The following CYFIP2 variants were observed in gnomAD, a reference collection of about 807,000 sequenced individuals.
CYFIP2 encodes the protein cytoplasmic FMR1 interacting protein 2.
CYFIP2 carries 29 observed loss-of-function variants against 158.7 expected under a neutral mutation model. The ratio of observed to expected loss-of-function variants is 0.18; its 90% CI spans 0.14 to 0.25. The LOEUF (loss-of-function observed/expected upper bound fraction) is 0.25, where lower values mean the gene tolerates loss of function less well. Ranked by LOEUF, CYFIP2 falls within the 10% of genes least tolerant of loss-of-function variation. CYFIP2 has a pLI of 1.00. For synonymous variants in CYFIP2, 585 were observed against 617.6 expected (o/e 0.95, Z 0.78); for missense variants, 852 against 1,639.5 (o/e 0.52, Z 8.29).
chr5:157,284,015 G>A (rs914371499), intron 1 of CYFIP2, among the ~76,000 whole-genome samples: 1 of 152,080 alleles, frequency 6.6e-6, no homozygotes, highest in African/African-American at 2.4e-5. Context: ...TTCTCTTTGT[G>A]TCCCTCTTAA....
intron 23 of CYFIP2, chr5:157,342,170 G>A (rs1348930641): frequency 6.6e-6 from 1 of 152,606 alleles, no homozygotes; most frequent in Non-Finnish European, 1.5e-5. Flanking sequence ...TTGTTTTCAT[G>A]ATGTTTATTC....
At chr5:157,275,374 TG>T (rs1328508399) in intron 1 of CYFIP2, among the ~76,000 whole-genome samples, 1 of 152,224 alleles carries the variant, frequency 6.6e-6, no homozygotes, top group East Asian at 1.9e-4. Context: ...ATTTTGCATG[TG>T]GGTATCCAGT....
At chr5:157,391,364 G>A (rs940954183) in intron 30 of CYFIP2, among the ~76,000 whole-genome samples, 1 of 152,182 alleles carries the variant, frequency 6.6e-6, no homozygotes, top group African/African-American at 2.4e-5. Context: ...AAGTACACAA[G>A]TATTGTACAA....
intron 26 of CYFIP2, among the ~76,000 whole-genome samples, chr5:157,372,770 A>G (rs937529025): frequency 3.9e-5 from 6 of 152,226 alleles, no homozygotes; most frequent in Non-Finnish European, 8.8e-5. Context: ...AAATGAAGCC[A>G]GGGAAGCTGG....
intron 26 of CYFIP2, among the ~76,000 whole-genome samples, chr5:157,378,578 G>A (rs1361307886): frequency 6.6e-6 from 1 of 152,150 alleles, no homozygotes; most frequent in East Asian, 1.9e-4. Context: ...AAAAACAACG[G>A]GTGTCGAAGT....
chr5:157,326,249 C>T lies in CYFIP2; in HGVS notation c.2061C>T (p.Tyr687=), dbSNP rs11551374. The T allele has an allele frequency of 0.1, 163,302 of 1,612,646 alleles. 8,929 individuals are homozygous for T. The highest frequency in any genetic ancestry group is 0.12 in the South Asian group (11,120 of 91,050). Residue 687 remains tyrosine, a synonymous_variant, in exon 18 of 31, where the codon TAC becomes TAT. Transcript: ENST00000620254. Reference sequence around the variant, plus strand: ...CCAAGTTTAAAAAGCAGTTCCTGTACGATGAGATAGAAGCTGAGGCAAGTG... The same window carrying T: ...CCAAGTTTAAAAAGCAGTTCCTGTATGATGAGATAGAAGCTGAGGCAAGTG... The part of the protein sequence containing the change: ...ALTKFKKQFL[Y]DEIEAEVNLC...
At chr5:157,342,761 T>C (rs1762364770) in intron 23 of CYFIP2, 1 of 1,206,134 alleles carries the variant, frequency 8.3e-7, no homozygotes, top group African/African-American at 1.5e-5. Context: ...GCAGTGACGT[T>C]TGATGGGAGA....
intron 26 of CYFIP2, among the ~76,000 whole-genome samples, chr5:157,366,290 G>A (rs531069938): frequency 5.3e-5 from 8 of 152,204 alleles, no homozygotes; most frequent in African/African-American, 1.4e-4. Context: ...TCTTTCTTAT[G>A]GATTTGTGGC....
chr5:157,342,745 A>G (rs1449979566), intron 23 of CYFIP2: 7 of 1,048,006 alleles, frequency 6.7e-6, no homozygotes, highest in African/African-American at 1.6e-5. Context: ...CAGGTGACCT[A>G]CAATAGCAGT....
intron 15 of CYFIP2, chr5:157,322,802 GC>G (rs2113121371): frequency 3.7e-6 from 3 of 818,778 alleles, no homozygotes; most frequent in Non-Finnish European, 5.8e-6. Context: ...CTCAGAGGTG[GC>G]CCCCGGCAGT....
rs1488262554 is a variant in CYFIP2 at position 157,311,159 on chromosome 5, C to T, written c.993-505C>T. On this transcript the variant is annotated intron_variant, in intron 10 of 30. Transcript: ENST00000620254. This position sits in a 1 kb window ranked among gnomAD's most constrained non-coding sequence, Gnocchi z 4.7. ...GTCTCAGAGTGGCCCTGGCTTCTCC[C>T]ACCACAGTGTGCTTCCATGTTGCCA... 7 of 451,124 alleles carry T rather than the reference C, an allele frequency of 1.6e-5. No individual in the cohort carries two copies. The highest frequency in any genetic ancestry group is 2.7e-5 in the Non-Finnish European group (6 of 224,946). The allele number at this position is 451,124 out of a possible 1,614,324, so 27.9% of individuals were successfully genotyped here. A position where few individuals can be genotyped will look rare whatever the true frequency, so the allele number is the denominator to read the frequency against.
chr5:157,297,253 G>T (rs58336001), intron 5 of CYFIP2, among the ~76,000 whole-genome samples: 1,527 of 152,338 alleles, frequency 0.01, 32 homozygotes, highest in African/African-American at 0.034. Flanking sequence ...CTGTGTTTAA[G>T]AAATAAAACG....
rs1002646953 is a variant in CYFIP2 at position 157,361,671 on chromosome 5, G to A, written c.3039+73G>A. ...ATGCCAACCCCAAGCAGATATTGAG[G>A]CTCCTGCAGCATTGATTTGTGCTTT... On this transcript the variant is annotated intron_variant, in intron 26 of 30. Transcript: ENST00000620254. The surrounding 1 kb of genome is among the most constrained non-coding windows in gnomAD (Gnocchi z 4.4). The A allele has an allele frequency of 2.2e-5, 34 of 1,575,900 alleles. No homozygotes were observed. The African/African-American group carries it at 3.9e-4, about 18-fold the overall frequency.
chr5:157,298,673 A>ACC (rs1758452759), intron 5 of CYFIP2, among the ~76,000 whole-genome samples: 1 of 151,806 alleles, frequency 6.6e-6, no homozygotes, highest in African/African-American at 2.4e-5. Context: ...CATCTTCATT[A>ACC]CCCCAAAAAG....
At chr5:157,306,406 C>T (rs182506490) in intron 8 of CYFIP2, among the ~76,000 whole-genome samples, 89 of 152,286 alleles carry the variant, frequency 5.8e-4, no homozygotes, top group Middle Eastern at 3.4e-3. Flanking sequence ...AGTCTTAATG[C>T]GGCCTTCAAA....
intron 21 of CYFIP2, among the ~76,000 whole-genome samples, chr5:157,336,272 C>G (rs1263330082): frequency 1.3e-5 from 2 of 152,234 alleles, no homozygotes; most frequent in African/African-American, 4.8e-5. Context: ...AACAGAGTCT[C>G]AGCAAGACCC....
intron 16 of CYFIP2, 144 bp from the exon 17 acceptor site, chr5:157,325,338 A>G: frequency 1.1e-5 from 10 of 896,124 alleles, no homozygotes; most frequent in Non-Finnish European, 1.2e-5. Context: ...CTTTAAGTAA[A>G]AGAGAGCAGG....
chr5:157,322,841 A>C, intron 15 of CYFIP2: 3 of 1,207,338 alleles, frequency 2.5e-6, no homozygotes, highest in Non-Finnish European at 3.5e-6. Flanking sequence ...CGTATACAAT[A>C]CCTCTTGCTT....
chr5:157,282,494 C>A (rs184593381), intron 1 of CYFIP2, among the ~76,000 whole-genome samples: 1 of 152,336 alleles, frequency 6.6e-6, no homozygotes, highest in East Asian at 1.9e-4. Context: ...GGGCAAGTAT[C>A]CTAACTATGT....
Sources: gnomAD v4.1 joint callset for allele counts (sites outside exome capture counted in the v4.1 genomes callset) on GRCh38, gnomAD v4.1.1 for gene constraint, Gnocchi (gnomAD v3.1) non-coding constraint, MANE v1.5 for transcripts, NCBI Gene and HGNC (gene_info 2026-07-23, HGNC 2026-07-21) for gene names.